CLCN6: variants seen among roughly 807,000 people sequenced by gnomAD.
CLCN6 encodes Cl-/H+ antiporter 6, also known as H(+)/Cl(-) exchange transporter 6.
CLCN6 carries 70 observed loss-of-function variants against 109.8 expected under a neutral mutation model. That is an observed-to-expected ratio of 0.64 (90% CI 0.53 to 0.78). CLCN6 has a LOEUF of 0.78. Ranked by LOEUF, CLCN6 falls within the 30% of genes least tolerant of loss-of-function variation. The pLI, the probability that CLCN6 is intolerant of heterozygous loss-of-function variation, is 0.00. For synonymous variants in CLCN6, 444 were observed against 447.8 expected (o/e 0.99, Z 0.11); for missense variants, 984 against 1,142.3 (o/e 0.86, Z 2.00).
intron 13 of CLCN6, among the ~76,000 whole-genome samples, chr1:11,830,943 C>T (rs946404392): frequency 2.6e-5 from 4 of 151,876 alleles, no homozygotes; most frequent in Non-Finnish European, 4.4e-5. Context: ...AAGTGATTCT[C>T]CTGCCTCAGC....
chr1:11,807,311 G>A (rs1644529742), intron 2 of CLCN6, 121 bp downstream of exon 2: 4 of 811,152 alleles, frequency 4.9e-6, no homozygotes, highest in Non-Finnish European at 8.1e-6. Flanking sequence ...GAGTGAGTGG[G>A]TAAGAGAACT....
chr1:11,811,038 C>T (rs1644591812), intron 2 of CLCN6, among the ~76,000 whole-genome samples: 1 of 152,130 alleles, frequency 6.6e-6, no homozygotes. Context: ...TGGCGAGACT[C>T]CATCTCAACA....
intron 9 of CLCN6, 28 bp from the exon 10 acceptor site, chr1:11,827,061 G>A: frequency 6.2e-7 from 1 of 1,610,052 alleles, no homozygotes; most frequent in Middle Eastern, 1.7e-4. Flanking sequence ...GCTCTTTATT[G>A]GATAACCCGT....
In CLCN6 at chr1:11,841,129, T is replaced by G. The variant is rs1245374737; in HGVS notation, c.*906T>G. On this transcript the variant is annotated 3_prime_UTR_variant, in exon 23 of 23. Transcript: ENST00000346436. Reference sequence around the variant, plus strand: ...GCAGGGCACTCCTGGATAAAGCAGCTTCACTCAACTCTGGGGAATGCTACC... The same window carrying G: ...GCAGGGCACTCCTGGATAAAGCAGCGTCACTCAACTCTGGGGAATGCTACC... The G allele has an allele frequency of 6.6e-6, 1 of 152,654 alleles. No homozygotes were observed. Among genetic ancestry groups the G allele is most frequent in the African/African-American group, 2.4e-5 (1 of 41,452 alleles). The allele number at this position is 152,654 out of a possible 1,614,324, so 9.5% of individuals were successfully genotyped here.
chr1:11,810,288 G>T (rs1025258694), intron 2 of CLCN6, among the ~76,000 whole-genome samples: 1 of 152,148 alleles, frequency 6.6e-6, no homozygotes, highest in Admixed American at 6.5e-5. Context: ...CATTATAGGT[G>T]GTTTGAAAAA....
At chr1:11,831,251 G>A (rs1443164539) in intron 13 of CLCN6, among the ~76,000 whole-genome samples, 6 of 143,648 alleles carry the variant, frequency 4.2e-5, no homozygotes, top group Non-Finnish European at 7.6e-5. Flanking sequence ...CCACCTCCTG[G>A]GTTCAAGCGA....
chr1:11,827,430 C>CTTTTTTTTTT (rs59015951), intron 10 of CLCN6, among the ~76,000 whole-genome samples: 9 of 105,026 alleles, frequency 8.6e-5, no homozygotes, highest in East Asian at 2.6e-4. Flanking sequence ...ACCGCTGTTA[C>CTTTTTTTTTT]TTTTTTTTTT....
intron 2 of CLCN6, among the ~76,000 whole-genome samples, chr1:11,812,777 C>CA (rs1228255785): frequency 6.6e-6 from 1 of 151,862 alleles, no homozygotes; most frequent in Non-Finnish European, 1.5e-5. Flanking sequence ...TCTCCACCCT[C>CA]ACACTTTGTC....
chr1:11,816,493 TC>T, intron 3 of CLCN6, 121 bp from the exon 4 acceptor site: 1 of 867,640 alleles, frequency 1.2e-6, no homozygotes, highest in Middle Eastern at 2.2e-4. Context: ...AATCCCAACA[TC>T]ATCTTTACTG....
chr1:11,840,566 G>A lies in CLCN6; in HGVS notation c.*343G>A, dbSNP rs1645007149. ...GGGCTGCACTCCGAGCAGTGTTCCT[G>A]GCCATCTTTGCTACTTTCCTAGAGA... On this transcript the variant is annotated 3_prime_UTR_variant, in exon 23 of 23. Coordinates refer to ENST00000346436, the MANE Select transcript of CLCN6 (RefSeq NM_001286.5). The A allele has an allele frequency of 2.6e-6, 1 of 382,636 alleles. No individual in the cohort carries two copies. The highest frequency in any genetic ancestry group is 2.0e-5 in the African/African-American group (1 of 49,270). The allele number at this position is 382,636 out of a possible 1,614,324, so 23.7% of individuals were successfully genotyped here.
chr1:11,810,928 G>T (rs1177810146), intron 2 of CLCN6, among the ~76,000 whole-genome samples: 4 of 152,152 alleles, frequency 2.6e-5, no homozygotes, highest in African/African-American at 7.2e-5. Flanking sequence ...AAATTAGCAG[G>T]GGGCCGGGTG....
Position 11,840,169 on chromosome 1 carries a change from C to A in CLCN6, c.2556C>A (p.Asn852Lys), listed in dbSNP as rs1280646936. The A allele has an allele frequency of 1.2e-6, 2 of 1,613,962 alleles. No individual in the cohort carries two copies. The highest frequency in any genetic ancestry group is 8.5e-7 in the Non-Finnish European group (1 of 1,180,024). ...TCGTGGGGATCATCACACGGCACAA[C>A]CTCACCTATGAATTTCTGCAGGCCC... ...GEIVGIITRH[N>K]LTYEFLQARL... is the part of the protein sequence containing the mutation. The change falls in exon 23 of 23, where the codon AAC (asparagine) becomes AAA (lysine). Residue 852 changes from asparagine (N) to lysine (K), a missense_variant. By Grantham distance (94) the Asn-to-Lys change is moderately conservative. Coordinates refer to ENST00000346436, the MANE Select transcript of CLCN6 (RefSeq NM_001286.5).
chr1:11,816,415 T>A (rs1156336481), intron 3 of CLCN6, among the ~76,000 whole-genome samples, 200 bp from the exon 4 acceptor site: 1 of 152,192 alleles, frequency 6.6e-6, no homozygotes, highest in Non-Finnish European at 1.5e-5. Context: ...CCAACCAGAG[T>A]TCCCCCTGTC....
intron 9 of CLCN6, 22 bp downstream of exon 9, chr1:11,826,236 G>A: frequency 6.2e-7 from 1 of 1,606,638 alleles, no homozygotes; most frequent in South Asian, 1.1e-5. Flanking sequence ...TTAGAAATTG[G>A]TTTCTTTTTT....
chr1:11,809,084 A>G (rs1479952516), intron 2 of CLCN6, among the ~76,000 whole-genome samples: 1 of 151,400 alleles, frequency 6.6e-6, no homozygotes, highest in Non-Finnish European at 1.5e-5. Flanking sequence ...CTGGTCTCGA[A>G]CTCCTGACCT....
intron 13 of CLCN6, among the ~76,000 whole-genome samples, chr1:11,833,016 G>A (rs942211576): frequency 7.4e-6 from 1 of 134,920 alleles, no homozygotes; most frequent in Non-Finnish European, 1.6e-5. Context: ...AGCAAATTCA[G>A]GTGCTTTTTT....
chr1:11,806,957 T>C, intron 1 of CLCN6, 174 bp from the exon 2 acceptor site: 1 of 615,778 alleles, frequency 1.6e-6, no homozygotes. Flanking sequence ...CTGATGGCTG[T>C]AGATCCTCAC....
At chr1:11,832,125 C>G (rs913977717) in intron 13 of CLCN6, among the ~76,000 whole-genome samples, 13 of 152,320 alleles carry the variant, frequency 8.5e-5, no homozygotes, top group African/African-American at 3.1e-4. Context: ...AGCTGTGCCC[C>G]CATTTTACAG....
rs552624410 is a variant in CLCN6 at position 11,813,543 on chromosome 1, A to G, written c.148-2303A>G. Among the ~76,000 whole-genome samples the G allele has an allele frequency of 1.4e-4, 22 of 152,232 alleles. No homozygotes were observed. The South Asian group carries it at 4.4e-3, about 30-fold the overall frequency. ...GTAGCTGGGATTACAAGTGTGTGCC[A>G]CCACACCCACCTAATTTGTGTATTT... On this transcript the variant is annotated intron_variant, in intron 2 of 22. Coordinates refer to ENST00000346436, the MANE Select transcript of CLCN6 (RefSeq NM_001286.5).
Sources: allele counts gnomAD v4.1 joint callset (sites outside exome capture counted in the v4.1 genomes callset), GRCh38; gene constraint gnomAD v4.1.1; transcripts MANE v1.5; gene names NCBI Gene and HGNC (gene_info 2026-07-23, HGNC 2026-07-21).